Variants in EYS observed in about 807,000 individuals in gnomAD.
The protein encoded by EYS is EGF-like photoreceptor maintenance factor, also known as protein eyes shut homolog.
EYS carries 250 observed loss-of-function variants against 282.1 expected under a neutral mutation model. That is an observed-to-expected ratio of 0.89 (90% CI 0.80 to 0.98). The LOEUF (loss-of-function observed/expected upper bound fraction) is 0.98, where lower values mean the gene tolerates loss of function less well. EYS is among the 50% of genes least tolerant of loss of function. The pLI is 0.00. For synonymous variants in EYS, 1,355 were observed against 1,282.9 expected, an observed-to-expected ratio of 1.06 and a Z score of -1.20; for missense variants, 4,016 against 3,709.0, an observed-to-expected ratio of 1.08 and a Z score of -2.15.
At chr6:64,656,404 G>C (rs923490315) in intron 22 of EYS, among the ~76,000 whole-genome samples, 2 of 152,050 alleles carry the variant, frequency 1.3e-5, no homozygotes, top group African/African-American at 2.4e-5. Flanking sequence ...CTGATTGATG[G>C]AGAATATGGT....
chr6:65,519,895 T>A (rs1160681421), intron 2 of EYS, among the ~76,000 whole-genome samples: 14 of 147,968 alleles, frequency 9.5e-5, no homozygotes, highest in African/African-American at 2.2e-4. Context: ...TTTTCTATTT[T>A]TTTTTTTTTG....
At chr6:65,402,455 A>G in intron 7 of EYS, 23 bp downstream of exon 7, 1 of 1,424,496 alleles carries the variant, frequency 7.0e-7, no homozygotes, top group Non-Finnish European at 9.9e-7. Context: ...TTGTATTAAA[A>G]ATAAACAGAA....
intron 13 of EYS, among the ~76,000 whole-genome samples, chr6:65,013,879 A>G (rs952406320): frequency 6.6e-6 from 1 of 152,154 alleles, no homozygotes; most frequent in Non-Finnish European, 1.5e-5. Flanking sequence ...AAATAAATCA[A>G]TGTGGGTAAG....
At chr6:65,673,061 T>G (rs1253621375) in intron 1 of EYS, among the ~76,000 whole-genome samples, 1 of 152,096 alleles carries the variant, frequency 6.6e-6, no homozygotes, top group East Asian at 1.9e-4. Context: ...TTCACTTCTT[T>G]TGTGATTCTT....
intron 2 of EYS, among the ~76,000 whole-genome samples, chr6:65,534,447 G>A (rs764965983): frequency 1.4e-4 from 22 of 151,990 alleles, no homozygotes; most frequent in African/African-American, 4.3e-4. Flanking sequence ...ACTATGAGCC[G>A]GAATATACAA....
At chr6:65,683,058 T>C (rs753806184) in intron 1 of EYS, among the ~76,000 whole-genome samples, 12 of 151,968 alleles carry the variant, frequency 7.9e-5, no homozygotes, top group Non-Finnish European at 1.5e-4. Flanking sequence ...CTGAGACTGT[T>C]ATTAGAAACT....
intron 36 of EYS, among the ~76,000 whole-genome samples, chr6:63,809,111 G>A (rs1004444704): frequency 1.3e-5 from 2 of 152,116 alleles, no homozygotes; most frequent in African/African-American, 4.8e-5. Flanking sequence ...CTATAAAAAG[G>A]TAGGGCCTCT....
At chr6:65,017,197 T>C (rs771161520) in intron 13 of EYS, among the ~76,000 whole-genome samples, 2 of 152,164 alleles carry the variant, frequency 1.3e-5, no homozygotes, top group Non-Finnish European at 2.9e-5. Flanking sequence ...ACATAACCTT[T>C]AGAAATAATA....
chr6:63,923,912 T>C (rs980499571), intron 35 of EYS, among the ~76,000 whole-genome samples: 2 of 152,184 alleles, frequency 1.3e-5, no homozygotes, highest in Middle Eastern at 3.2e-3. Context: ...GCTGGTACCA[T>C]AAAAAATTAA....
intron 2 of EYS, among the ~76,000 whole-genome samples, chr6:65,602,335 T>A (rs1019481138): frequency 1.3e-5 from 2 of 151,976 alleles, no homozygotes; most frequent in African/African-American, 4.8e-5. Context: ...TAAAAATGTA[T>A]AACACAAGCT....
intron 1 of EYS, among the ~76,000 whole-genome samples, chr6:65,680,036 T>C (rs1768760681): frequency 6.6e-6 from 1 of 151,686 alleles, no homozygotes; most frequent in South Asian, 2.1e-4. Context: ...ACTTGTGACG[T>C]TGCTTTATAT....
chr6:64,296,192 A>T (rs1768977947), intron 30 of EYS, among the ~76,000 whole-genome samples: 1 of 151,918 alleles, frequency 6.6e-6, no homozygotes, highest in South Asian at 2.1e-4. Context: ...GTCTATTAAA[A>T]CTCTTCTATC....
At chr6:64,286,610 G>A (rs1768510912) in intron 30 of EYS, among the ~76,000 whole-genome samples, 1 of 152,088 alleles carries the variant, frequency 6.6e-6, no homozygotes, top group African/African-American at 2.4e-5. Context: ...ATGAATAGGA[G>A]TCATTTGAAT....
intron 2 of EYS, among the ~76,000 whole-genome samples, chr6:65,565,475 T>C (rs1263285274): frequency 6.6e-6 from 1 of 152,192 alleles, no homozygotes; most frequent in Admixed American, 6.5e-5. Context: ...TATGGAGGAA[T>C]AGGAATGCTT....
chr6:64,212,332 A>T (rs916445933), intron 31 of EYS, among the ~76,000 whole-genome samples: 2 of 152,188 alleles, frequency 1.3e-5, no homozygotes, highest in East Asian at 3.9e-4. Flanking sequence ...TAATTAACAT[A>T]AATACAAATA....
chr6:64,379,151 G>A (rs1441912936), intron 29 of EYS, among the ~76,000 whole-genome samples: 1 of 151,892 alleles, frequency 6.6e-6, no homozygotes, highest in Non-Finnish European at 1.5e-5. Flanking sequence ...ATTTTCTTAT[G>A]TAAGATCATT....
At chr6:65,387,162 A>AATTAGCTT (rs1765831157) in intron 7 of EYS, among the ~76,000 whole-genome samples, 2 of 151,912 alleles carry the variant, frequency 1.3e-5, no homozygotes, top group African/African-American at 4.8e-5. Context: ...TTCATTAGTT[A>AATTAGCTT]ATTAGCTTTA....
Position 64,945,772 on chromosome 6 carries a change from AG to A in EYS, c.2381+20del. On this transcript the variant is annotated intron_variant, in intron 15 of 42. Coordinates refer to ENST00000503581, the MANE Select transcript of EYS (RefSeq NM_001142800.2). ...GCACTCCAAGTAATTTCATGAAGAA[AG>A]CTAAAAATATGTTACTCACCGATAG... 2 of 1,547,384 alleles carry A rather than the reference AG, an allele frequency of 1.3e-6. No homozygotes were observed. Among genetic ancestry groups the A allele is most frequent in the Non-Finnish European group, 1.7e-6 (2 of 1,144,206 alleles).
At chr6:64,556,588 A>G (rs1765239988) in intron 26 of EYS, among the ~76,000 whole-genome samples, 1 of 151,994 alleles carries the variant, frequency 6.6e-6, no homozygotes, top group East Asian at 1.9e-4. Flanking sequence ...TAATCAAATT[A>G]TATATATACA....
Sources: allele counts gnomAD v4.1 joint callset (sites outside exome capture counted in the v4.1 genomes callset), GRCh38; gene constraint gnomAD v4.1.1; transcripts MANE v1.5; gene names NCBI Gene and HGNC (gene_info 2026-07-23, HGNC 2026-07-21).